The following CAMTA1 variants were observed in gnomAD, a reference collection of about 807,000 sequenced individuals.
The protein encoded by CAMTA1 is calmodulin binding transcription activator 1.
CAMTA1 carries 27 observed loss-of-function variants against 170.9 expected under a neutral mutation model. The ratio of observed to expected loss-of-function variants is 0.16; its 90% CI spans 0.12 to 0.22. The LOEUF (loss-of-function observed/expected upper bound fraction) is 0.22. Ranked by LOEUF, CAMTA1 falls within the 10% of genes least tolerant of loss-of-function variation. The pLI is 1.00. For synonymous variants in CAMTA1, 833 were observed against 891.5 expected (o/e 0.93, Z 1.17); for missense variants, 1,619 against 2,217.2 (o/e 0.73, Z 5.42).
chr1:7,261,711 C>G (rs1478860677), intron 5 of CAMTA1, among the ~76,000 whole-genome samples: 1 of 152,194 alleles, frequency 6.6e-6, no homozygotes, highest in Non-Finnish European at 1.5e-5. Flanking sequence ...ATGTGGCGCC[C>G]CAGCCATCAC....
intron 4 of CAMTA1, among the ~76,000 whole-genome samples, chr1:7,247,214 T>C (rs1250521801): frequency 2.0e-5 from 3 of 152,254 alleles, no homozygotes; most frequent in Non-Finnish European, 4.4e-5. Context: ...CCCTGTGGGA[T>C]TGTATCCTGC....
chr1:7,575,620 T>C (rs1171093609), intron 6 of CAMTA1, among the ~76,000 whole-genome samples: 3 of 152,252 alleles, frequency 2.0e-5, no homozygotes, highest in Admixed American at 6.5e-5. Flanking sequence ...AGCAAAACCA[T>C]GGCCAAAAGG....
At position 7,673,277 on chromosome 1, in the gene CAMTA1, A is replaced by C. The variant is rs1169567601; in HGVS notation, c.2779+2240A>C. 6.6e-6 allele frequency among the ~76,000 whole-genome samples: 1 copy of C among 152,244 alleles called. No homozygotes were observed. The highest frequency in any genetic ancestry group is 1.9e-4 in the East Asian group (1 of 5,192). On this transcript the variant is annotated intron_variant, in intron 10 of 22. Transcript: ENST00000303635. This position sits in a 1 kb window ranked among gnomAD's most constrained non-coding sequence, Gnocchi z 4.6. ...CTCGGGTCCATCCCAGATCAGCCAG[A>C]AACCATCCCTGTTGCTGGAGCTCAG...
At chr1:7,667,905 G>T (rs1408592937) in intron 9 of CAMTA1, among the ~76,000 whole-genome samples, 2 of 152,210 alleles carry the variant, frequency 1.3e-5, no homozygotes, top group Non-Finnish European at 2.9e-5. Flanking sequence ...GCCCCACCTG[G>T]CCACACAGTG....
chr1:6,937,012 A>G (rs1277666180), intron 3 of CAMTA1, among the ~76,000 whole-genome samples: 1 of 151,952 alleles, frequency 6.6e-6, no homozygotes, highest in African/African-American at 2.4e-5. Context: ...AAAAACAGAG[A>G]GAGGATTCCA....
chr1:6,854,845 A>G (rs1041669725), intron 3 of CAMTA1, among the ~76,000 whole-genome samples: 1 of 152,264 alleles, frequency 6.6e-6, no homozygotes, highest in Non-Finnish European at 1.5e-5. Context: ...TACATTATGA[A>G]TGAAAGTTAA....
At chr1:7,089,608 CAA>C (rs1256505674) in intron 3 of CAMTA1, among the ~76,000 whole-genome samples, 5 of 137,690 alleles carry the variant, frequency 3.6e-5, no homozygotes, top group Non-Finnish European at 7.8e-5. Context: ...ATCTGTCTAA[CAA>C]ACACTTATCA....
chr1:7,482,678 G>T lies in CAMTA1; in HGVS notation c.510+14777G>T, dbSNP rs544357757. ...TGGAGGATTGAGAAGGAAATTCGGG[G>T]CAGAAACGTTTGTTGATCCTGAATT... On this transcript the variant is annotated intron_variant, in intron 6 of 22. Transcript: ENST00000303635. This position sits in a 1 kb window ranked among gnomAD's most constrained non-coding sequence, Gnocchi z 4.2. 1.1e-4 allele frequency among the ~76,000 whole-genome samples: 17 copies of T among 152,208 alleles called. No homozygotes were observed. The highest frequency in any genetic ancestry group is 2.2e-4 in the Non-Finnish European group (15 of 68,036).
chr1:6,929,591 CTG>C (rs1684013371), intron 3 of CAMTA1, among the ~76,000 whole-genome samples: 1 of 152,182 alleles, frequency 6.6e-6, no homozygotes. Context: ...TCTTAATCTC[CTG>C]ACCTCGTGAT....
At chr1:7,353,432 T>TC (rs1347534989) in intron 5 of CAMTA1, among the ~76,000 whole-genome samples, 1 of 2,154 alleles carries the variant, frequency 4.6e-4, no homozygotes, top group Non-Finnish European at 1.8e-3. Context: ...TCTTTCTCTC[T>TC]TTTTTTTTTT....
intron 3 of CAMTA1, among the ~76,000 whole-genome samples, chr1:6,901,887 A>T (rs78689237): frequency 1.3e-5 from 2 of 152,140 alleles, no homozygotes; most frequent in East Asian, 1.9e-4. Flanking sequence ...CTCTACTAAA[A>T]GTACAAAAAT....
chr1:7,692,013 G>C (rs1435659619), intron 11 of CAMTA1, among the ~76,000 whole-genome samples: 1 of 152,014 alleles, frequency 6.6e-6, no homozygotes, highest in Non-Finnish European at 1.5e-5. Flanking sequence ...GGGAGGTACA[G>C]ATGGCCTAGT....
At chr1:7,137,920 C>G (rs995154654) in intron 4 of CAMTA1, among the ~76,000 whole-genome samples, 1 of 152,194 alleles carries the variant, frequency 6.6e-6, no homozygotes, top group Non-Finnish European at 1.5e-5. Flanking sequence ...TGCTGGTTCA[C>G]TGCCATGCTC....
chr1:7,576,270 A>G (rs2095192090), intron 6 of CAMTA1, among the ~76,000 whole-genome samples: 2 of 152,138 alleles, frequency 1.3e-5, no homozygotes, highest in South Asian at 2.1e-4. Context: ...TCGGCCACCC[A>G]AAGTGCTGGG....
At position 6,820,217 on chromosome 1, in the gene CAMTA1, T is replaced by C. The variant is rs779742115; in HGVS notation, c.82T>C (p.Tyr28His). Reference protein sequence around the residue: ...SQSVFCGTSTYCVLNTVPPIE... With the variant: ...SQSVFCGTSTHCVLNTVPPIE... Reference sequence around the variant, plus strand: ...AAGTGTATTCTGCGGAACTAGCACCTACTGTGTTCTCAACACCGTGCCACC... The same window carrying C: ...AAGTGTATTCTGCGGAACTAGCACCCACTGTGTTCTCAACACCGTGCCACC... The change falls in exon 2 of 23, where the codon TAC (tyrosine) becomes CAC (histidine). Residue 28 changes from tyrosine (Y) to histidine (H), a missense_variant. Tyr to His is a moderately conservative substitution (Grantham distance 83, BLOSUM62 2). Transcript: ENST00000303635. The C allele has an allele frequency of 6.2e-7, 1 of 1,612,828 alleles. No individual in the cohort carries two copies.
intron 3 of CAMTA1, among the ~76,000 whole-genome samples, chr1:6,995,268 G>A (rs1572298505): frequency 7.7e-6 from 1 of 130,466 alleles, no homozygotes; most frequent in Non-Finnish European, 1.7e-5. Flanking sequence ...ATTTACTTTA[G>A]ATCCTTTAAA....
Position 7,433,311 on chromosome 1 carries a change from C to T in CAMTA1, c.439-34519C>T, listed in dbSNP as rs192199495. On this transcript the variant is annotated intron_variant, in intron 5 of 22. Coordinates refer to ENST00000303635, the MANE Select transcript of CAMTA1 (RefSeq NM_015215.4). ...AAGCCTCCAGCAACCTGAGCAACCT[C>T]CTTGGTGGCCACAGCTGTGTGACTC... Among the ~76,000 whole-genome samples, 6 of 152,360 alleles carry T rather than the reference C, an allele frequency of 3.9e-5. No individual in the cohort carries two copies. The East Asian group carries it at 1.2e-3, about 29-fold the overall frequency.
intron 6 of CAMTA1, among the ~76,000 whole-genome samples, chr1:7,484,951 C>A (rs2093598170): frequency 6.6e-6 from 1 of 152,138 alleles, no homozygotes; most frequent in African/African-American, 2.4e-5. Flanking sequence ...TGTGACCCAC[C>A]AGGCCACTGC....
At chr1:7,466,889 C>G (rs1013452556) in intron 5 of CAMTA1, among the ~76,000 whole-genome samples, 3 of 152,128 alleles carry the variant, frequency 2.0e-5, no homozygotes, top group Non-Finnish European at 4.4e-5. Context: ...CAAGGCTGGG[C>G]CCCTCCCTCC....
Sources: allele counts gnomAD v4.1 joint callset (sites outside exome capture counted in the v4.1 genomes callset), GRCh38; gene constraint gnomAD v4.1.1; non-coding constraint Gnocchi (gnomAD v3.1); transcripts MANE v1.5; gene names NCBI Gene and HGNC (gene_info 2026-07-23, HGNC 2026-07-21).